Variants in CARMIL1 observed in about 807,000 individuals in gnomAD.
The protein encoded by CARMIL1 is F-actin-uncapping protein LRRC16A.
CARMIL1 carries 90 observed loss-of-function variants against 177.1 expected under a neutral mutation model. The ratio of observed to expected loss-of-function variants is 0.51; its 90% CI spans 0.43 to 0.61. The LOEUF is 0.61. CARMIL1 is among the 20% of genes least tolerant of loss of function. CARMIL1 has a pLI of 0.00. For missense variants in CARMIL1, 1,380 were observed against 1,667.0 expected, an observed-to-expected ratio of 0.83 and a Z score of 3.00; for synonymous variants, 577 against 606.2, an observed-to-expected ratio of 0.95 and a Z score of 0.71.
intron 23 of CARMIL1, 145 bp downstream of exon 23, chr6:25,520,482 C>G (rs1032979100): frequency 3.6e-5 from 20 of 559,370 alleles, no homozygotes; most frequent in Non-Finnish European, 6.0e-5. Context: ...GTTCTTATGA[C>G]CACAACTGGG....
At position 25,581,502 on chromosome 6, in the gene CARMIL1, G is replaced by C. The variant is rs1471424571; in HGVS notation, c.3006+63G>C. The C allele has an allele frequency of 4.7e-5, 69 of 1,460,364 alleles. No individual in the cohort carries two copies. In the Admixed American group the frequency reaches 4.7e-4, roughly 10 times the overall value. The allele number at this position is 1,460,364 out of a possible 1,614,324, so 90.5% of individuals were successfully genotyped here. A position where few individuals can be genotyped will look rare whatever the true frequency, so the allele number is the denominator to read the frequency against. On this transcript the variant is annotated intron_variant, in intron 31 of 36. Transcript: ENST00000329474. ...CCCTTTTCTTCTCTGGGGAAAGTTG[G>C]AGGGTCTTGCTAAAGTGCTTTGCAC...
intron 2 of CARMIL1, among the ~76,000 whole-genome samples, chr6:25,368,305 A>G (rs1160550738): frequency 6.6e-6 from 1 of 152,246 alleles, no homozygotes. Flanking sequence ...CAAGGGAAAT[A>G]AGCTAAGCTG....
intron 2 of CARMIL1, among the ~76,000 whole-genome samples, chr6:25,293,679 C>T (rs1782168067): frequency 6.6e-6 from 1 of 151,832 alleles, no homozygotes; most frequent in Non-Finnish European, 1.5e-5. Flanking sequence ...CTTCCCTTCC[C>T]TTCCTCTCCT....
chr6:25,308,491 C>T (rs1467427850), intron 2 of CARMIL1, among the ~76,000 whole-genome samples: 1 of 150,574 alleles, frequency 6.6e-6, no homozygotes, highest in African/African-American at 2.4e-5. Flanking sequence ...AAGTGATTCT[C>T]CTGCCTCAGC....
At chr6:25,303,451 G>A (rs1172812426) in intron 2 of CARMIL1, among the ~76,000 whole-genome samples, 1 of 152,136 alleles carries the variant, frequency 6.6e-6, no homozygotes, top group Non-Finnish European at 1.5e-5. Context: ...AGGTGTGCTG[G>A]GTGAGAAGTG....
chr6:25,289,537 C>T (rs1781774363), intron 2 of CARMIL1, among the ~76,000 whole-genome samples: 1 of 152,160 alleles, frequency 6.6e-6, no homozygotes, highest in South Asian at 2.1e-4. Flanking sequence ...TTGATTGACA[C>T]TGTAAAATGC....
In CARMIL1 at chr6:25,392,387, T is replaced by C. The variant is rs192979740; in HGVS notation, c.139-27727T>C. On this transcript the variant is annotated intron_variant, in intron 2 of 36. Transcript: ENST00000329474. ...CAAGCAAAAATGTTTCTTCCTATAA[T>C]TTCTATACATTGTTCCCAGTTGGCT... Among the ~76,000 whole-genome samples the C allele has an allele frequency of 8.5e-4, 130 of 152,350 alleles. 1 individual carries two copies. The highest frequency in any genetic ancestry group is 2.9e-3 in the African/African-American group (122 of 41,578).
At chr6:25,484,002 C>T (rs1485773094) in intron 12 of CARMIL1, among the ~76,000 whole-genome samples, 1 of 152,172 alleles carries the variant, frequency 6.6e-6, no homozygotes, top group Non-Finnish European at 1.5e-5. Flanking sequence ...AAGCGATCTG[C>T]CTGCCTCAGC....
At chr6:25,350,042 A>G (rs1412046653) in intron 2 of CARMIL1, among the ~76,000 whole-genome samples, 2 of 152,040 alleles carry the variant, frequency 1.3e-5, no homozygotes, top group East Asian at 1.9e-4. Flanking sequence ...CAGCCCCCTC[A>G]TTTGATAAAT....
chr6:25,566,656 C>T lies in CARMIL1; in HGVS notation c.2742+9806C>T, dbSNP rs187431849. On this transcript the variant is annotated intron_variant, in intron 29 of 36. Transcript: ENST00000329474. ...GCTTCTGGCAGGCCAGGACTTTGTG[C>T]TGTTGACCACATATCCCCAGTATCT... Among the ~76,000 whole-genome samples, 18 of 152,342 alleles carry T rather than the reference C, an allele frequency of 1.2e-4. 1 individual carries two copies. Among genetic ancestry groups the T allele is most frequent in the Non-Finnish European group, 2.5e-4 (17 of 68,028 alleles).
chr6:25,612,641 G>A (rs1161284614), intron 36 of CARMIL1: 4 of 573,316 alleles, frequency 7.0e-6, no homozygotes, highest in South Asian at 7.7e-5. Flanking sequence ...GGGTGGGTAA[G>A]CTGATATTTA....
intron 11 of CARMIL1, among the ~76,000 whole-genome samples, chr6:25,478,255 T>C (rs2150960342): frequency 6.6e-6 from 1 of 152,276 alleles, no homozygotes; most frequent in South Asian, 2.1e-4. Context: ...TGCTTACTTT[T>C]CTTGGTGTTT....
intron 26 of CARMIL1, among the ~76,000 whole-genome samples, chr6:25,541,908 C>T (rs751030615): frequency 6.6e-6 from 1 of 152,198 alleles, no homozygotes; most frequent in East Asian, 1.9e-4. Context: ...ATTTGCTTGC[C>T]TTTGCCTCCC....
At chr6:25,332,789 A>T (rs1785813837) in intron 2 of CARMIL1, among the ~76,000 whole-genome samples, 1 of 150,480 alleles carries the variant, frequency 6.6e-6, no homozygotes, top group Non-Finnish European at 1.5e-5. Flanking sequence ...ACACACACAC[A>T]CACTTCTTTT....
intron 11 of CARMIL1, among the ~76,000 whole-genome samples, chr6:25,481,384 G>C (rs1231377654): frequency 6.6e-6 from 1 of 152,170 alleles, no homozygotes; most frequent in East Asian, 1.9e-4. Context: ...AAGATTTGTA[G>C]ATAATTTGGG....
Position 25,450,174 on chromosome 6 carries a change from G to A in CARMIL1, c.470-165G>A, listed in dbSNP as rs181399129. On this transcript the variant is annotated intron_variant, in intron 6 of 36. Coordinates refer to ENST00000329474, the MANE Select transcript of CARMIL1 (RefSeq NM_017640.6). The stretch of plus-strand genomic sequence containing the variant: ...CTATATTTAAGCTGTATTGCATCCT[G>A]CTATGTACTTACTATAGAACAGGGA... Among the ~76,000 whole-genome samples the A allele has an allele frequency of 2.8e-3, 430 of 152,332 alleles. 4 individuals are homozygous for A. Among genetic ancestry groups the A allele is most frequent in the Non-Finnish European group, 2.4e-3 (160 of 68,026 alleles).
intron 8 of CARMIL1, among the ~76,000 whole-genome samples, chr6:25,454,528 T>C (rs1484735055): frequency 6.6e-6 from 1 of 152,228 alleles, no homozygotes; most frequent in Non-Finnish European, 1.5e-5. Flanking sequence ...TGGAACTTTA[T>C]ATTATTGACT....
chr6:25,379,278 G>C (rs1791306315), intron 2 of CARMIL1, among the ~76,000 whole-genome samples: 1 of 152,162 alleles, frequency 6.6e-6, no homozygotes, highest in Non-Finnish European at 1.5e-5. Flanking sequence ...GAAAGAAAGG[G>C]GGATGTCAGC....
At chr6:25,343,403 C>T (rs1787158774) in intron 2 of CARMIL1, among the ~76,000 whole-genome samples, 1 of 151,082 alleles carries the variant, frequency 6.6e-6, no homozygotes, top group Admixed American at 6.6e-5. Flanking sequence ...CCTTTTCATC[C>T]TCCCTCCCTT....
Sources: gnomAD v4.1 joint callset for allele counts (sites outside exome capture counted in the v4.1 genomes callset) on GRCh38, gnomAD v4.1.1 for gene constraint, MANE v1.5 for transcripts, NCBI Gene and HGNC (gene_info 2026-07-23, HGNC 2026-07-21) for gene names.